MTFR1: variants seen among roughly 807,000 people sequenced by gnomAD.
The protein encoded by MTFR1 is chondrocyte protein with a poly-proline region.
MTFR1 carries 28 observed loss-of-function variants against 38.8 expected under a neutral mutation model. The observed-to-expected ratio is 0.72, with a 90% CI of 0.53 to 0.99. The LOEUF (loss-of-function observed/expected upper bound fraction) is 0.99. Among genes scored for constraint, MTFR1 ranks in the 50% least tolerant of loss-of-function variants. The pLI is 0.00. For synonymous variants in MTFR1, 145 were observed against 137.0 expected (o/e 1.06, Z -0.41); for missense variants, 358 against 395.5 (o/e 0.91, Z 0.81).
At chr8:65,663,753 CCCCCTCCCCTTCCCCTT>C (rs1017652449) in intron 1 of MTFR1, among the ~76,000 whole-genome samples, 6 of 148,994 alleles carry the variant, frequency 4.0e-5, no homozygotes, top group Non-Finnish European at 8.9e-5. Context: ...CAGTTTCTTT[CCCCCTCCCCTTCCCCTT>C]CCCCTCCCCT....
downstream of MTFR1, chr8:65,714,748 G>A (rs1327437739): frequency 1.3e-5 from 2 of 152,148 alleles, no homozygotes; most frequent in East Asian, 1.9e-4. Flanking sequence ...AATACCTGAT[G>A]TGAGAGTTTT....
chr8:65,742,086 A>G (rs1807463498), intron 3 of MTFR1, among the ~76,000 whole-genome samples: 2 of 152,274 alleles, frequency 1.3e-5, no homozygotes, highest in African/African-American at 4.8e-5. Flanking sequence ...AGAGATGCTC[A>G]GTTGTGTTAA....
chr8:65,658,579 A>T (rs1197182726), intron 1 of MTFR1, among the ~76,000 whole-genome samples: 1 of 152,206 alleles, frequency 6.6e-6, no homozygotes, highest in Non-Finnish European at 1.5e-5. Context: ...CATCTTCATA[A>T]CACTTGTAGG....
downstream of MTFR1, among the ~76,000 whole-genome samples, chr8:65,774,598 A>G (rs1809204285): frequency 6.6e-6 from 1 of 151,776 alleles, no homozygotes; most frequent in African/African-American, 2.4e-5. Context: ...TACCACAGAA[A>G]TTAAGTATTT....
intron 3 of MTFR1, chr8:65,689,610 C>T (rs185594349): frequency 2.4e-6 from 3 of 1,269,468 alleles, no homozygotes; most frequent in Admixed American, 2.5e-5. Flanking sequence ...GTAAGTTGTC[C>T]TTTTCTTTCT....
intron 3 of MTFR1, among the ~76,000 whole-genome samples, chr8:65,741,433 C>T (rs1807431382): frequency 6.6e-6 from 1 of 152,144 alleles, no homozygotes; most frequent in African/African-American, 2.4e-5. Flanking sequence ...AACTGCCTAA[C>T]CAACTGCCAA....
intron 2 of MTFR1, among the ~76,000 whole-genome samples, chr8:65,673,209 T>A (rs1275946298): frequency 6.6e-6 from 1 of 152,178 alleles, no homozygotes; most frequent in African/African-American, 2.4e-5. Flanking sequence ...AGTGTTGTTT[T>A]GACTCAGAAT....
chr8:65,704,205 A>G (rs2129058773), intron 4 of MTFR1, among the ~76,000 whole-genome samples: 1 of 152,328 alleles, frequency 6.6e-6, no homozygotes, highest in Non-Finnish European at 1.5e-5. Flanking sequence ...AAAGGTCCTA[A>G]ACTTTTTTGC....
In MTFR1 at chr8:65,770,348, C is replaced by T. The variant is rs528011397; in HGVS notation, c.*49-599C>T. Among the ~76,000 whole-genome samples the T allele has an allele frequency of 1.7e-3, 263 of 152,290 alleles. 1 individual carries two copies. The highest frequency in any genetic ancestry group is 6.8e-3 in the Middle Eastern group (2 of 294). ...GGCTGGGGAGGCCTCATAATCAGGG[C>T]AGAAGGCAAAAGCCACGTCTTACCT... On this transcript the variant is annotated intron_variant, in intron 3 of 3. Transcript: ENST00000521247.
At chr8:65,713,368 A>G (rs773131741), downstream of MTFR1, among the ~76,000 whole-genome samples, 4 of 147,976 alleles carry the variant, frequency 2.7e-5, no homozygotes, top group Non-Finnish European at 5.9e-5. Flanking sequence ...TTGAACCTGG[A>G]AGGTGGAGGT....
chr8:65,742,264 GA>G, intron 3 of MTFR1, among the ~76,000 whole-genome samples: 1 of 152,264 alleles, frequency 6.6e-6, no homozygotes, highest in Admixed American at 6.5e-5. Context: ...TCCCAGATGG[GA>G]TCTGGTTGGA....
intron 3 of MTFR1, chr8:65,745,520 G>A (rs1353153146): frequency 1.0e-6 from 1 of 996,958 alleles, no homozygotes; most frequent in Non-Finnish European, 1.6e-6. Flanking sequence ...CAATAACATT[G>A]TCTTTTGGAG....
chr8:65,739,139 T>G lies in MTFR1; in HGVS notation c.*48+19658T>G, dbSNP rs534147395. Among the ~76,000 whole-genome samples the G allele has an allele frequency of 3.0e-3, 455 of 152,352 alleles. 1 individual carries two copies. The highest frequency in any genetic ancestry group is 5.5e-3 in the Non-Finnish European group (376 of 68,036). ...GCTAATTGTAAAATAAATAATTCTT[T>G]TTTGTTTTTAATGTAAATCTATTAT... On this transcript the variant is annotated intron_variant, in intron 3 of 3. Transcript: ENST00000521247.
At chr8:65,669,708 C>T (rs1347092146) in intron 1 of MTFR1, among the ~76,000 whole-genome samples, 165 bp from the exon 2 acceptor site, 5 of 152,124 alleles carry the variant, frequency 3.3e-5, no homozygotes, top group African/African-American at 7.2e-5. Flanking sequence ...TGCACCGCCA[C>T]GCCCGGCTAA....
chr8:65,710,990 T>TAG (rs58516082), downstream of MTFR1, among the ~76,000 whole-genome samples: 333 of 150,848 alleles, frequency 2.2e-3, 1 homozygote, highest in African/African-American at 7.0e-3. Context: ...TATATATATA[T>TAG]AGAGAGAGAG....
At chr8:65,731,263 A>C (rs932667600) in intron 3 of MTFR1, among the ~76,000 whole-genome samples, 1 of 152,200 alleles carries the variant, frequency 6.6e-6, no homozygotes, top group Admixed American at 6.5e-5. Context: ...CAAGAAAGGC[A>C]ACTCAACCAT....
chr8:65,674,292 CTTTAT>C (rs1403981440), intron 2 of MTFR1, among the ~76,000 whole-genome samples: 1 of 151,390 alleles, frequency 6.6e-6, no homozygotes, highest in Non-Finnish European at 1.5e-5. Flanking sequence ...TACCTTCATC[CTTTAT>C]TTTATCTTTT....
At chr8:65,729,813 C>A (rs1307685388) in intron 3 of MTFR1, among the ~76,000 whole-genome samples, 1 of 151,978 alleles carries the variant, frequency 6.6e-6, no homozygotes, top group African/African-American at 2.4e-5. Flanking sequence ...AGGTGATCCG[C>A]CTGCCTTGGC....
At chr8:65,656,196 C>CA (rs964964159) in intron 1 of MTFR1, among the ~76,000 whole-genome samples, 8 of 146,312 alleles carry the variant, frequency 5.5e-5, no homozygotes, top group African/African-American at 1.6e-4. Context: ...AACTCTGTCT[C>CA]AAAAAAACAA....
Sources: gnomAD v4.1 joint callset for allele counts (sites outside exome capture counted in the v4.1 genomes callset) on GRCh38, gnomAD v4.1.1 for gene constraint, MANE v1.5 for transcripts, NCBI Gene and HGNC (gene_info 2026-07-23, HGNC 2026-07-21) for gene names.